GRIK4: variants seen among roughly 807,000 people sequenced by gnomAD.
GRIK4 encodes the protein glutamate receptor ionotropic, kainate 4.
A neutral mutation model predicts 104.9 loss-of-function variants in GRIK4; 40 were observed. That is an observed-to-expected ratio of 0.38 (90% CI 0.30 to 0.50). The LOEUF is 0.50. GRIK4 is among the 20% of genes least tolerant of loss of function. The probability of loss-of-function intolerance (pLI) is 0.93; values close to 1 mark genes in which losing one functional copy is unlikely to be tolerated. For missense variants in GRIK4, 1,047 were observed against 1,308.1 expected (o/e 0.80, Z 3.08); for synonymous variants, 485 against 524.9 (o/e 0.92, Z 1.04).
Position 120,979,904 on chromosome 11 carries a change from A to T in GRIK4, c.2396-2202A>T, listed in dbSNP as rs1167298491. Among the ~76,000 whole-genome samples, 2 of 152,138 alleles carry T rather than the reference A, an allele frequency of 1.3e-5. 1 individual carries two copies. The highest frequency in any genetic ancestry group is 1.3e-4 in the Admixed American group (2 of 15,278). ...CTGGAGTGCTGGGGCACGATGTCGG[A>T]TCAAGTGGCAGCCTCCACCTCTTGG... On this transcript the variant is annotated intron_variant, in intron 19 of 20. Transcript: ENST00000527524.
chr11:120,889,589 ATTTTTTTTTTTT>A lies in GRIK4; in HGVS notation c.1165-8924_1165-8913del, dbSNP rs369264259. Among the ~76,000 whole-genome samples, 502 of 62,510 alleles carry A rather than the reference ATTTTTTTTTTTT, an allele frequency of 8.0e-3. 8 individuals carry two copies. Among genetic ancestry groups the A allele is most frequent in the African/African-American group, 0.027 (458 of 16,964 alleles). The allele number at this position is 62,510 out of a possible 152,430, so 41.0% of individuals were successfully genotyped here. A position where few individuals can be genotyped will look rare whatever the true frequency, so the allele number is the denominator to read the frequency against. On this transcript the variant is annotated intron_variant, in intron 11 of 20. Coordinates refer to ENST00000527524, the MANE Select transcript of GRIK4 (RefSeq NM_014619.5). ...ATAGAATAAAATAGAAAGAGCTTACATTTTTTTTTTTTTTTTTTTTTTTTTTTTTTATGAGAT... is the reference window on the plus strand; with the variant it reads ...ATAGAATAAAATAGAAAGAGCTTACATTTTTTTTTTTTTTTTTTATGAGAT...
At chr11:120,893,575 A>C (rs953524820) in intron 11 of GRIK4, among the ~76,000 whole-genome samples, 1 of 152,212 alleles carries the variant, frequency 6.6e-6, no homozygotes. Flanking sequence ...GAATGGGATT[A>C]GTATGCATCA....
chr11:120,920,774 T>G (rs763895746), intron 13 of GRIK4, among the ~76,000 whole-genome samples: 17 of 151,630 alleles, frequency 1.1e-4, no homozygotes, highest in Non-Finnish European at 2.2e-4. Context: ...AATTAGTATC[T>G]GAATCTTCAT....
At chr11:120,616,815 C>T (rs1003638133) in intron 1 of GRIK4, among the ~76,000 whole-genome samples, 2 of 152,228 alleles carry the variant, frequency 1.3e-5, no homozygotes, top group African/African-American at 4.8e-5. Context: ...GCTTTCCTTG[C>T]ACCAAACAAG....
intron 1 of GRIK4, among the ~76,000 whole-genome samples, chr11:120,633,297 ACAG>A (rs1184056361): frequency 6.6e-6 from 1 of 152,192 alleles, no homozygotes; most frequent in Admixed American, 6.5e-5. Flanking sequence ...AATCAGAGAC[ACAG>A]TGAGTGCAGG....
chr11:120,838,379 T>C (rs1247360437), intron 8 of GRIK4, among the ~76,000 whole-genome samples: 1 of 152,244 alleles, frequency 6.6e-6, no homozygotes, highest in African/African-American at 2.4e-5. Context: ...CAAAGTCCTA[T>C]ATGTTTCTAA....
intron 1 of GRIK4, among the ~76,000 whole-genome samples, chr11:120,567,410 C>T (rs144015402): frequency 0.014 from 2,092 of 152,264 alleles, 54 homozygotes; most frequent in African/African-American, 0.046. Context: ...CCTCCCACCT[C>T]GGCCTCCCAA....
Position 120,607,239 on chromosome 11 carries a change from G to A in GRIK4, c.-158-46446G>A, listed in dbSNP as rs7943964. ...TTCAGTATTGGTGGGCCCTTAGGCT[G>A]GGTTTCCCCAAAAGTACACCCTGAG... On this transcript the variant is annotated intron_variant, in intron 1 of 20. Coordinates refer to ENST00000527524, the MANE Select transcript of GRIK4 (RefSeq NM_014619.5). Among the ~76,000 whole-genome samples, 576 of 152,326 alleles carry A rather than the reference G, an allele frequency of 3.8e-3. 6 individuals are homozygous for A. The highest frequency in any genetic ancestry group is 0.013 in the African/African-American group (540 of 41,568).
intron 1 of GRIK4, among the ~76,000 whole-genome samples, chr11:120,652,786 A>G (rs1262771722): frequency 1.3e-5 from 2 of 152,036 alleles, no homozygotes; most frequent in Non-Finnish European, 2.9e-5. Flanking sequence ...ATCACAATTA[A>G]TGATGTAGTA....
At chr11:120,833,066 G>A (rs1953473636) in intron 7 of GRIK4, among the ~76,000 whole-genome samples, 1 of 152,134 alleles carries the variant, frequency 6.6e-6, no homozygotes, top group Non-Finnish European at 1.5e-5. Context: ...ACACTCAGAT[G>A]ATTGTCTCCC....
Position 120,806,586 on chromosome 11 carries a change from C to G in GRIK4, c.247+3729C>G, listed in dbSNP as rs1008150023. Among the ~76,000 whole-genome samples, 6 of 152,212 alleles carry G rather than the reference C, an allele frequency of 3.9e-5. No homozygotes were observed. The South Asian group carries it at 1.2e-3, about 32-fold the overall frequency. On this transcript the variant is annotated intron_variant, in intron 4 of 20. Coordinates refer to ENST00000527524, the MANE Select transcript of GRIK4 (RefSeq NM_014619.5). ...ATGAAAGAGACCCTAGTGATGATAT[C>G]TTTGACTGTGGAAAGCAGAGGCTCT...
At chr11:120,810,444 G>A (rs576849797) in intron 4 of GRIK4, among the ~76,000 whole-genome samples, 47 of 152,324 alleles carry the variant, frequency 3.1e-4, no homozygotes, top group African/African-American at 1.1e-3. Flanking sequence ...GCCACAGTGT[G>A]CTGTGAATAT....
At chr11:120,719,993 TA>T (rs112426695) in intron 3 of GRIK4, among the ~76,000 whole-genome samples, 3,507 of 140,908 alleles carry the variant, frequency 0.025, 91 homozygotes, top group African/African-American at 0.068. Context: ...TAAGGTAGAT[TA>T]AAAAAAAAAA....
At chr11:120,820,454 A>T (rs1953087384) in intron 6 of GRIK4, among the ~76,000 whole-genome samples, 1 of 152,238 alleles carries the variant, frequency 6.6e-6, no homozygotes, top group Non-Finnish European at 1.5e-5. Context: ...TAGCAAATGC[A>T]GGTTTTGGAA....
rs140761680 is a variant in GRIK4 at position 120,526,449 on chromosome 11, C to T, written c.-159+14562C>T. ...CTGGGCTCAAGCGATCCTCCCACCT[C>T]GGCCTCTCAAAGCCCTGGGATTACA... On this transcript the variant is annotated intron_variant, in intron 1 of 20. Coordinates refer to ENST00000527524, the MANE Select transcript of GRIK4 (RefSeq NM_014619.5). 2.8e-3 allele frequency among the ~76,000 whole-genome samples: 430 copies of T among 152,344 alleles called. 3 individuals are homozygous for T. Among genetic ancestry groups the T allele is most frequent in the African/African-American group, 9.9e-3 (412 of 41,572 alleles).
intron 15 of GRIK4, among the ~76,000 whole-genome samples, chr11:120,955,564 G>A (rs183714583): frequency 1.5e-4 from 23 of 152,320 alleles, no homozygotes; most frequent in Admixed American, 9.8e-4. Flanking sequence ...TCTCCCTGGC[G>A]GGCAGGGGAA....
In GRIK4 at chr11:120,956,855, C is replaced by T; in HGVS notation, c.1776C>T (p.Ser592=). The T allele has an allele frequency of 6.2e-7, 1 of 1,613,854 alleles. No individual in the cohort carries two copies. Among genetic ancestry groups the T allele is most frequent in the Non-Finnish European group, 8.5e-7 (1 of 1,179,922 alleles). ...GCAACCTCCTGGTGAACCAGTACTCCCTGGGCAACAGCCTCTGGTTTCCGG... is the reference window on the plus strand; with the variant it reads ...GCAACCTCCTGGTGAACCAGTACTCTCTGGGCAACAGCCTCTGGTTTCCGG... ...GRCNLLVNQY[S]LGNSLWFPVG... is the part of the protein sequence containing the mutation. Residue 592 remains serine, a synonymous_variant, in exon 16 of 21, where the codon TCC becomes TCT. Coordinates refer to ENST00000527524, the MANE Select transcript of GRIK4 (RefSeq NM_014619.5). The surrounding 1 kb of genome is among the most constrained non-coding windows in gnomAD (Gnocchi z 4.6).
At chr11:120,627,032 C>T (rs555595246) in intron 1 of GRIK4, among the ~76,000 whole-genome samples, 2 of 152,306 alleles carry the variant, frequency 1.3e-5, no homozygotes, top group South Asian at 2.1e-4. Context: ...GCAGAGGCCA[C>T]GTAGCAGGCG....
Position 120,967,848 on chromosome 11 carries a change from C to T in GRIK4, c.2395+525C>T, listed in dbSNP as rs1944410873. Among the ~76,000 whole-genome samples, 2 of 152,002 alleles carry T rather than the reference C, an allele frequency of 1.3e-5. No homozygotes were observed. Among genetic ancestry groups the T allele is most frequent in the African/African-American group, 4.8e-5 (2 of 41,388 alleles). ...CTCTTCTCTGTGGTCCCCAAGCCTC[C>T]CATGTGGCTCTTCCACCCCAGGGCC... On this transcript the variant is annotated intron_variant, in intron 19 of 20. Coordinates refer to ENST00000527524, the MANE Select transcript of GRIK4 (RefSeq NM_014619.5). This position sits in a 1 kb window ranked among gnomAD's most constrained non-coding sequence, Gnocchi z 4.2.
Sources: allele counts gnomAD v4.1 joint callset (sites outside exome capture counted in the v4.1 genomes callset), GRCh38; gene constraint gnomAD v4.1.1; non-coding constraint Gnocchi (gnomAD v3.1); transcripts MANE v1.5; gene names NCBI Gene and HGNC (gene_info 2026-07-23, HGNC 2026-07-21).